LANCL1: variants seen among roughly 807,000 people sequenced by gnomAD.
LANCL1 encodes the protein glutathione S-transferase LANCL1.
LANCL1 carries 50 observed loss-of-function variants against 50.6 expected under a neutral mutation model. The ratio of observed to expected loss-of-function variants is 0.99; its 90% CI spans 0.79 to 1.25. The LOEUF is 1.25. Among genes scored for constraint, LANCL1 ranks in the 50% most tolerant of loss-of-function variants. The pLI, the probability that LANCL1 is intolerant of heterozygous loss-of-function variation, is 0.00. For missense variants in LANCL1, 532 were observed against 480.7 expected (o/e 1.11, Z -1.00); for synonymous variants, 188 against 178.6 (o/e 1.05, Z -0.42).
chr2:210,466,893 T>A (rs1254085055), intron 3 of LANCL1, among the ~76,000 whole-genome samples: 2 of 152,008 alleles, frequency 1.3e-5, no homozygotes, highest in Non-Finnish European at 2.9e-5. Flanking sequence ...ATAGTGTGCA[T>A]GACTTCACAG....
At chr2:210,464,475 T>C (rs1693973551) in intron 3 of LANCL1, among the ~76,000 whole-genome samples, 3 of 151,898 alleles carry the variant, frequency 2.0e-5, no homozygotes, top group Admixed American at 1.3e-4. Flanking sequence ...TAAAAATATA[T>C]ATATATAGTG....
intron 3 of LANCL1, among the ~76,000 whole-genome samples, chr2:210,461,849 G>T (rs974018554): frequency 7.2e-5 from 11 of 151,812 alleles, no homozygotes; most frequent in Non-Finnish European, 1.6e-4. Flanking sequence ...TTCCCTTATT[G>T]TCTCTTAAAG....
At chr2:210,462,739 G>A (rs959779274) in intron 3 of LANCL1, among the ~76,000 whole-genome samples, 3 of 152,102 alleles carry the variant, frequency 2.0e-5, no homozygotes, top group Admixed American at 2.0e-4. Flanking sequence ...AGTCTTCTCA[G>A]GGTTTATGTC....
At chr2:210,473,930 T>C (rs1222353424) in intron 2 of LANCL1, among the ~76,000 whole-genome samples, 7 of 152,262 alleles carry the variant, frequency 4.6e-5, no homozygotes, top group Admixed American at 4.6e-4. Context: ...CTCAGCTAGA[T>C]AGAAGAGTGC....
chr2:210,455,994 T>C (rs775246185), intron 3 of LANCL1, among the ~76,000 whole-genome samples: 5 of 152,120 alleles, frequency 3.3e-5, no homozygotes, highest in Non-Finnish European at 5.9e-5. Flanking sequence ...CCAATGACTT[T>C]TGCCTTGGGC....
rs1328891307 is a variant in LANCL1, at chr2:210,432,921, A to C, written c.*1566T>G. ...GAAACTGAGCAGTGGGCTGCTTTTTAAATCCTACTGCCAGTGGCCTTTAAA... is the reference window on the plus strand; with the variant it reads ...GAAACTGAGCAGTGGGCTGCTTTTTCAATCCTACTGCCAGTGGCCTTTAAA... On this transcript the variant is annotated 3_prime_UTR_variant, in exon 10 of 10. Coordinates refer to ENST00000450366, the MANE Select transcript of LANCL1 (RefSeq NM_006055.3). The C allele has an allele frequency of 1.3e-5, 2 of 152,512 alleles. No homozygotes were observed. Among genetic ancestry groups the C allele is most frequent in the Non-Finnish European group, 1.5e-5 (1 of 68,044 alleles). 9.4% of individuals were successfully genotyped at this position (152,512 alleles called of 1,614,324 possible).
intron 3 of LANCL1, 33 bp downstream of exon 3, chr2:210,471,926 T>C: frequency 1.4e-6 from 2 of 1,443,302 alleles, no homozygotes; most frequent in South Asian, 1.1e-5. Flanking sequence ...TTAAGCACAA[T>C]GCTTATGCCA....
At chr2:210,444,996 A>C (rs575917154) in intron 4 of LANCL1, among the ~76,000 whole-genome samples, 4 of 152,168 alleles carry the variant, frequency 2.6e-5, no homozygotes, top group Non-Finnish European at 5.9e-5. Context: ...TAAGAAAACA[A>C]AATGTGTTTA....
intron 2 of LANCL1, among the ~76,000 whole-genome samples, chr2:210,475,799 TTCCAGCTGTG>T (rs1321245036): frequency 6.6e-6 from 1 of 152,222 alleles, no homozygotes; most frequent in East Asian, 1.9e-4. Context: ...TTTTTTTGTT[TTCCAGCTGTG>T]GATATGCCCT....
intron 4 of LANCL1, among the ~76,000 whole-genome samples, chr2:210,449,445 A>G (rs1347531260): frequency 1.3e-5 from 2 of 152,166 alleles, no homozygotes; most frequent in African/African-American, 2.4e-5. Context: ...ACCAGCACAA[A>G]ACAAGGATGC....
intron 8 of LANCL1, among the ~76,000 whole-genome samples, 153 bp from the exon 9 acceptor site, chr2:210,435,612 A>G (rs906931532): frequency 1.3e-5 from 2 of 152,210 alleles, no homozygotes; most frequent in African/African-American, 4.8e-5. Context: ...ATGGTTTGAA[A>G]GAGTACACAG....
At chr2:210,441,484 C>A in intron 4 of LANCL1, 41 bp from the exon 5 acceptor site, 1 of 1,567,818 alleles carries the variant, frequency 6.4e-7, no homozygotes, top group South Asian at 1.2e-5. Context: ...TTGAAAGGAA[C>A]CAGGTATTGG....
rs1176754642 is a variant in LANCL1, at chr2:210,436,197, T to C, written c.1050+19A>G. On this transcript the variant is annotated intron_variant, in intron 8 of 9. Transcript: ENST00000450366. ...GTGAGCCACCGAGCTGCTTTCTATT[T>C]GGTGGTTCTGACTCCTACCTTACAG... 2 of 1,608,540 alleles carry C rather than the reference T, an allele frequency of 1.2e-6. No homozygotes were observed. The highest frequency in any genetic ancestry group is 2.2e-5 in the South Asian group (2 of 90,906).
intron 3 of LANCL1, among the ~76,000 whole-genome samples, chr2:210,465,391 G>C (rs1228560444): frequency 6.6e-6 from 1 of 152,186 alleles, no homozygotes; most frequent in East Asian, 1.9e-4. Context: ...CGAAACACCT[G>C]AACTGCTTGA....
intron 3 of LANCL1, among the ~76,000 whole-genome samples, chr2:210,463,355 C>T (rs1332121730): frequency 1.3e-5 from 2 of 152,072 alleles, no homozygotes; most frequent in Non-Finnish European, 2.9e-5. Flanking sequence ...GGATTACAAG[C>T]ACCCACCACC....
At position 210,441,266 on chromosome 2, in the gene LANCL1, T is replaced by C. The variant is rs778130609; in HGVS notation, c.543+42A>G. On this transcript the variant is annotated intron_variant, in intron 5 of 9. Transcript: ENST00000450366. ...ATAGTTTAGGCAGATAGTAAGTAAATGGGATCCTAAAAAGGCTCCTAAAAA... is the reference window on the plus strand; with the variant it reads ...ATAGTTTAGGCAGATAGTAAGTAAACGGGATCCTAAAAAGGCTCCTAAAAA... 3.8e-6 allele frequency: 6 copies of C among 1,590,910 alleles called. No individual in the cohort carries two copies. In the South Asian group the frequency reaches 4.5e-5, roughly 12 times the overall value.
intron 3 of LANCL1, among the ~76,000 whole-genome samples, chr2:210,459,384 G>A (rs541343465): frequency 6.6e-6 from 1 of 152,206 alleles, no homozygotes; most frequent in African/African-American, 2.4e-5. Context: ...CAGATGTATA[G>A]TACTTTGAAT....
chr2:210,455,083 A>C, intron 4 of LANCL1, 24 bp downstream of exon 4: 2 of 1,580,220 alleles, frequency 1.3e-6, no homozygotes, highest in Non-Finnish European at 8.7e-7. Context: ...CTAGAAAATA[A>C]TCCTCATATA....
chr2:210,476,314 A>T lies in LANCL1; in HGVS notation c.81+2T>A. On this transcript the variant is annotated splice_donor_variant, in intron 2 of 9. Coordinates refer to ENST00000450366, the MANE Select transcript of LANCL1 (RefSeq NM_006055.3). LOFTEE classifies it high-confidence loss of function. ...ATGCAGGCAGACATATCCTAAACTC[A>T]CCCTCCCGGCAGCATCAAAGTAGCC... 2 of 1,610,256 alleles carry T rather than the reference A, an allele frequency of 1.2e-6. No individual in the cohort carries two copies. The highest frequency in any genetic ancestry group is 1.7e-6 in the Non-Finnish European group (2 of 1,176,762).
Sources: gnomAD v4.1 joint callset for allele counts (sites outside exome capture counted in the v4.1 genomes callset) on GRCh38, gnomAD v4.1.1 for gene constraint, MANE v1.5 for transcripts, NCBI Gene and HGNC (gene_info 2026-07-23, HGNC 2026-07-21) for gene names.